The following TUBGCP3 variants were observed in gnomAD, a reference collection of about 807,000 sequenced individuals.
The protein encoded by TUBGCP3 is gamma-tubulin complex component 3.
TUBGCP3 carries 50 observed loss-of-function variants against 123.1 expected under a neutral mutation model. The observed-to-expected ratio is 0.41, with a 90% CI of 0.32 to 0.51. The LOEUF is 0.51. Among genes scored for constraint, TUBGCP3 ranks in the 20% least tolerant of loss-of-function variants. TUBGCP3 has a pLI of 0.36. For missense variants in TUBGCP3, 882 were observed against 1,127.0 expected (o/e 0.78, Z 3.11); for synonymous variants, 405 against 413.9 (o/e 0.98, Z 0.26).
intron 1 of TUBGCP3, among the ~76,000 whole-genome samples, chr13:112,584,594 T>A (rs1882484535): frequency 6.6e-6 from 1 of 152,246 alleles, no homozygotes; most frequent in Non-Finnish European, 1.5e-5. Context: ...TATCTTCTGA[T>A]AGTGGCTTGT....
chr13:112,512,821 GC>G (rs1881763009), intron 17 of TUBGCP3, among the ~76,000 whole-genome samples: 1 of 152,148 alleles, frequency 6.6e-6, no homozygotes, highest in Non-Finnish European at 1.5e-5. Flanking sequence ...TCTCTTAAGA[GC>G]CCTCTAAAAG....
chr13:112,558,473 C>A, intron 4 of TUBGCP3, 60 bp from the exon 5 acceptor site: 1 of 1,374,858 alleles, frequency 7.3e-7, no homozygotes, highest in South Asian at 1.7e-5. Context: ...CTTCCCAAAC[C>A]TAAAAAGGTC....
chr13:112,499,281 G>T, intron 19 of TUBGCP3, 96 bp from the exon 20 acceptor site: 2 of 1,415,280 alleles, frequency 1.4e-6, no homozygotes, highest in Non-Finnish European at 1.9e-6. Flanking sequence ...TAGAAAACAA[G>T]ATATCAACTG....
chr13:112,513,609 G>A (rs1177988323), intron 17 of TUBGCP3, among the ~76,000 whole-genome samples: 1 of 152,202 alleles, frequency 6.6e-6, no homozygotes, highest in Non-Finnish European at 1.5e-5. Flanking sequence ...TACAGGGTCT[G>A]TCTGTACTCT....
chr13:112,569,216 G>T lies in TUBGCP3; in HGVS notation c.120C>A (p.Gly40=). The change falls in exon 2 of 22, where the codon GGC becomes GGA. Residue 40 remains glycine (G), a synonymous_variant. Coordinates refer to ENST00000261965, the MANE Select transcript of TUBGCP3 (RefSeq NM_006322.6). ...TTTCAACAGTTGGGGCGAAGTTGCT[G>T]CCAATCACCCGCACAGCATACTGGA... The part of the protein sequence containing the change: ...QQFQYAVRVI[G]SNFAPTVERD... 1 of 1,614,138 alleles carries T rather than the reference G, an allele frequency of 6.2e-7. No homozygotes were observed. The highest frequency in any genetic ancestry group is 1.1e-5 in the South Asian group (1 of 91,088).
chr13:112,586,943 T>C (rs1283816166), intron 1 of TUBGCP3, among the ~76,000 whole-genome samples: 2 of 152,220 alleles, frequency 1.3e-5, no homozygotes, highest in African/African-American at 4.8e-5. Flanking sequence ...AAGATTATCA[T>C]AGAACATCCA....
chr13:112,537,620 G>A (rs749961512), intron 11 of TUBGCP3, among the ~76,000 whole-genome samples: 7 of 152,124 alleles, frequency 4.6e-5, no homozygotes, highest in Non-Finnish European at 8.8e-5. Context: ...GTTGTATCAT[G>A]TTGACTTCAT....
chr13:112,523,222 T>C (rs1033007198), intron 13 of TUBGCP3, among the ~76,000 whole-genome samples: 2 of 152,188 alleles, frequency 1.3e-5, no homozygotes, highest in African/African-American at 4.8e-5. Flanking sequence ...ATAACCCCAG[T>C]GGGAGGAACA....
the TUBGCP3 span, chr13:112,603,129 T>G: frequency 3.3e-5 from 5 of 152,234 alleles, no homozygotes; most frequent in African/African-American, 1.2e-4. Context: ...CTCTAGTATT[T>G]TATCAATTGT....
chr13:112,534,857 G>A (rs556005815), intron 11 of TUBGCP3, among the ~76,000 whole-genome samples: 4 of 152,192 alleles, frequency 2.6e-5, no homozygotes, highest in East Asian at 3.9e-4. Flanking sequence ...CAATATGGTC[G>A]TGCGACCATT....
chr13:112,495,395 G>A (rs1305936337), intron 20 of TUBGCP3, among the ~76,000 whole-genome samples: 1 of 151,998 alleles, frequency 6.6e-6, no homozygotes, highest in Non-Finnish European at 1.5e-5. Context: ...TCTGTCTCAG[G>A]GATGTGCTTC....
intron 17 of TUBGCP3, among the ~76,000 whole-genome samples, chr13:112,510,989 G>A (rs1156899210): frequency 6.6e-6 from 1 of 152,188 alleles, no homozygotes; most frequent in African/African-American, 2.4e-5. Context: ...GGCCACACTG[G>A]ACAGTTGATA....
chr13:112,509,624 AG>A (rs1881536194), intron 17 of TUBGCP3, among the ~76,000 whole-genome samples: 1 of 152,244 alleles, frequency 6.6e-6, no homozygotes, highest in African/African-American at 2.4e-5. Flanking sequence ...TACGGAGGAC[AG>A]TATCTTCAAT....
chr13:112,534,502 G>A (rs957105105), intron 11 of TUBGCP3, among the ~76,000 whole-genome samples: 4 of 152,074 alleles, frequency 2.6e-5, no homozygotes, highest in Non-Finnish European at 5.9e-5. Flanking sequence ...AGTCGAGATC[G>A]CACCACTGCA....
At chr13:112,533,256 C>T (rs1256682521) in intron 11 of TUBGCP3, among the ~76,000 whole-genome samples, 1 of 152,190 alleles carries the variant, frequency 6.6e-6, no homozygotes, top group Non-Finnish European at 1.5e-5. Flanking sequence ...CACCGCGTCA[C>T]CATTCAGCAG....
chr13:112,524,170 C>G lies in TUBGCP3; in HGVS notation c.1556-1661G>C, dbSNP rs959446095. 6.6e-6 allele frequency among the ~76,000 whole-genome samples: 1 copy of G among 152,370 alleles called. No homozygotes were observed. Among genetic ancestry groups the G allele is most frequent in the South Asian group, 2.1e-4 (1 of 4,828 alleles). On this transcript the variant is annotated intron_variant, in intron 13 of 21. Coordinates refer to ENST00000261965, the MANE Select transcript of TUBGCP3 (RefSeq NM_006322.6). This position sits in a 1 kb window ranked among gnomAD's most constrained non-coding sequence, Gnocchi z 4.4. The stretch of plus-strand genomic sequence containing the variant: ...AAGCAATATTTGCACCTAACCTACA[C>G]ACATCTTCCCATATACGGTAAATCA...
intron 5 of TUBGCP3, among the ~76,000 whole-genome samples, chr13:112,557,121 G>C (rs2139222405): frequency 6.6e-6 from 1 of 152,256 alleles, no homozygotes; most frequent in Non-Finnish European, 1.5e-5. Flanking sequence ...ATGTCTCTGG[G>C]CATAGTTCTA....
rs1349334721 is a variant in TUBGCP3 at position 112,526,996 on chromosome 13, T to C, written c.1501A>G (p.Thr501Ala). The change falls in exon 13 of 22, where the codon ACT becomes GCT. Residue 501 changes from threonine (T) to alanine (A), a missense_variant. Physicochemically the swap from Thr to Ala is moderately conservative, Grantham distance 58 (BLOSUM62 0). Coordinates refer to ENST00000261965, the MANE Select transcript of TUBGCP3 (RefSeq NM_006322.6). ...ACAGCTATCATCTTTGTAGTGGGAG[T>C]CTGATCATGACAAACTTGGTGCAAG... ...NFLHQVCHDQ[T>A]PTTKMIAVTK... 1 of 1,614,102 alleles carries C rather than the reference T, an allele frequency of 6.2e-7. No individual in the cohort carries two copies. The highest frequency in any genetic ancestry group is 1.7e-5 in the Admixed American group (1 of 60,008).
At chr13:112,498,759 C>T (rs536597686) in intron 20 of TUBGCP3, 1 of 1,528,890 alleles carries the variant, frequency 6.5e-7, no homozygotes, top group Non-Finnish European at 8.8e-7. Context: ...CGACGGGTGA[C>T]ATCGGCATTG....
Sources: allele counts gnomAD v4.1 joint callset (sites outside exome capture counted in the v4.1 genomes callset), GRCh38; gene constraint gnomAD v4.1.1; non-coding constraint Gnocchi (gnomAD v3.1); transcripts MANE v1.5; gene names NCBI Gene and HGNC (gene_info 2026-07-23, HGNC 2026-07-21).